GMPS: variants seen among roughly 807,000 people sequenced by gnomAD.
GMPS encodes the protein GMP synthase [glutamine-hydrolyzing].
GMPS carries 15 observed loss-of-function variants against 77.9 expected under a neutral mutation model. The observed-to-expected ratio is 0.19, with a 90% CI of 0.13 to 0.30. The LOEUF is 0.30. Ranked by LOEUF, GMPS falls within the 10% of genes least tolerant of loss-of-function variation. The pLI, the probability that GMPS is intolerant of heterozygous loss-of-function variation, is 1.00. For missense variants in GMPS, 590 were observed against 838.8 expected, an observed-to-expected ratio of 0.70 and a Z score of 3.66; for synonymous variants, 224 against 275.9, an observed-to-expected ratio of 0.81 and a Z score of 1.86.
At position 155,910,806 on chromosome 3, in the gene GMPS, G is replaced by A. The variant is rs1184463142; in HGVS notation, c.641G>A (p.Ser214Asn). The A allele has an allele frequency of 6.2e-7, 1 of 1,612,274 alleles. No homozygotes were observed. Among genetic ancestry groups the A allele is most frequent in the East Asian group, 2.2e-5 (1 of 44,866 alleles). Reference sequence around the variant, plus strand: ...TTCCTTTATGATATAGCTGGATGCAGTGGAACCTTCACCGTGCAGAACAGA... The same window carrying A: ...TTCCTTTATGATATAGCTGGATGCAATGGAACCTTCACCGTGCAGAACAGA... Reference protein sequence around the residue: ...KNFLYDIAGCSGTFTVQNREL... With the variant: ...KNFLYDIAGCNGTFTVQNREL... Residue 214 changes from serine to asparagine, a missense_variant, in exon 6 of 16, where the codon AGT becomes AAT. Ser to Asn is a conservative substitution (Grantham distance 46). This residue lies in a region of GMPS where 136 missense variants were observed against 225.6 expected (regional missense o/e 0.60). Coordinates refer to ENST00000496455, the MANE Select transcript of GMPS (RefSeq NM_003875.3).
chr3:155,931,683 T>TTTAAA lies in GMPS; in HGVS notation c.1561-82_1561-81insTTAAA, dbSNP rs745576751. 9.2e-4 allele frequency: 367 copies of TTTAAA among 398,790 alleles called. 2 individuals carry two copies. Among genetic ancestry groups the TTTAAA allele is most frequent in the South Asian group, 3.1e-3 (94 of 30,422 alleles). 24.7% of individuals were successfully genotyped at this position (398,790 alleles called of 1,614,324 possible). On this transcript the variant is annotated intron_variant, in intron 12 of 15. Coordinates refer to ENST00000496455, the MANE Select transcript of GMPS (RefSeq NM_003875.3). ...TTCAATGCATCTTTTCTTTTTTTTTTAAAAAAAAAAAAAAGCTTTGTCAAG... is the reference window on the plus strand; with the variant it reads ...TTCAATGCATCTTTTCTTTTTTTTTTTTAAAAAAAAAAAAAAAAAGCTTTGTCAAG...
intron 2 of GMPS, among the ~76,000 whole-genome samples, chr3:155,894,422 C>T (rs1442784043): frequency 2.0e-5 from 3 of 152,160 alleles, no homozygotes; most frequent in Admixed American, 1.3e-4. Context: ...ACGGGTTTCA[C>T]CATGTTGTCC....
At chr3:155,907,785 A>G (rs185657059) in intron 5 of GMPS, among the ~76,000 whole-genome samples, 1 of 152,228 alleles carries the variant, frequency 6.6e-6, no homozygotes, top group Non-Finnish European at 1.5e-5. Flanking sequence ...CAGGGAAGGC[A>G]TTCCTATAAG....
At chr3:155,937,332 G>T (rs1755787642) in intron 15 of GMPS, among the ~76,000 whole-genome samples, 1 of 152,176 alleles carries the variant, frequency 6.6e-6, no homozygotes, top group African/African-American at 2.4e-5. Context: ...AACACAACTT[G>T]CAGACTAGCA....
intron 1 of GMPS, among the ~76,000 whole-genome samples, chr3:155,883,283 C>T (rs748961851): frequency 3.3e-5 from 5 of 152,094 alleles, no homozygotes; most frequent in Non-Finnish European, 7.3e-5. Context: ...CCATGTTGCC[C>T]AGGCTGGTCT....
chr3:155,903,877 AT>A lies in GMPS; in HGVS notation c.342del (p.Phe114LeufsTer44). The A allele has an allele frequency of 6.6e-7, 1 of 1,505,124 alleles. No individual in the cohort carries two copies. The highest frequency in any genetic ancestry group is 9.1e-7 in the Non-Finnish European group (1 of 1,100,730). 93.2% of individuals were successfully genotyped at this position (1,505,124 alleles called of 1,614,324 possible). A position where few individuals can be genotyped will look rare whatever the true frequency, so the allele number is the denominator to read the frequency against. On this transcript the variant is annotated frameshift_variant, in exon 4 of 16. Coordinates refer to ENST00000496455, the MANE Select transcript of GMPS (RefSeq NM_003875.3). LOFTEE classifies it high-confidence loss of function. ...TCTTTGAACAGATGATGAATAAGGT[AT>A]TTGGAGGTACTGTGCACAAAAAAAG... The part of the protein sequence containing the change: ...CYGMQMMNKV[F>X]GGTVHKKSVR...
At position 155,940,740 on chromosome 3, in the gene GMPS, G is replaced by GTTTTTTTTTTT. The variant is rs77440100; in HGVS notation, c.*3056_*3066dup. On this transcript the variant is annotated 3_prime_UTR_variant, in exon 16 of 16. Transcript: ENST00000496455. The stretch of plus-strand genomic sequence containing the variant: ...AGACAGAATGGAGAAGCTGGATAGT[G>GTTTTTTTTTTT]TTTTTTTTTTTTTTTTTTAAGGTTC... The GTTTTTTTTTTT allele has an allele frequency of 5.8e-6, 1 of 171,724 alleles. No homozygotes were observed. Among genetic ancestry groups the GTTTTTTTTTTT allele is most frequent in the African/African-American group, 2.6e-5 (1 of 39,054 alleles). 10.6% of individuals were successfully genotyped at this position (171,724 alleles called of 1,614,324 possible). A position where few individuals can be genotyped will look rare whatever the true frequency, so the allele number is the denominator to read the frequency against.
chr3:155,928,134 C>G (rs1302517995), intron 12 of GMPS, among the ~76,000 whole-genome samples: 1 of 139,088 alleles, frequency 7.2e-6, no homozygotes. Flanking sequence ...TCAAACGATT[C>G]TCCTGTTGCA....
At chr3:155,875,818 TG>T (rs913526071) in intron 1 of GMPS, among the ~76,000 whole-genome samples, 26 of 152,290 alleles carry the variant, frequency 1.7e-4, no homozygotes, top group Non-Finnish European at 3.2e-4. Context: ...AACAGTCAAT[TG>T]GTTTTCTTGT....
chr3:155,905,025 AT>A (rs577278280), intron 4 of GMPS, among the ~76,000 whole-genome samples: 3 of 149,668 alleles, frequency 2.0e-5, no homozygotes, highest in South Asian at 4.2e-4. Flanking sequence ...ATTTAATTTA[AT>A]TTTTTTTTTG....
At chr3:155,888,546 C>T (rs993858406) in intron 1 of GMPS, among the ~76,000 whole-genome samples, 5 of 151,514 alleles carry the variant, frequency 3.3e-5, no homozygotes, top group East Asian at 1.9e-4. Flanking sequence ...CTCTGCCTCC[C>T]GAGTAGCTAG....
At chr3:155,888,469 AC>A in intron 1 of GMPS, among the ~76,000 whole-genome samples, 1 of 151,668 alleles carries the variant, frequency 6.6e-6, no homozygotes, top group Non-Finnish European at 1.5e-5. Context: ...TCACTCTGTC[AC>A]CCAGGCTGGA....
At position 155,910,680 on chromosome 3, in the gene GMPS, T is replaced by C; in HGVS notation, c.527-12T>C. On this transcript the variant is annotated splice_polypyrimidine_tract_variant and intron_variant, in intron 5 of 15. Transcript: ENST00000496455. ...GAAAAAATTTTAATTTGTGACTATT[T>C]TCTCTATAAAGGCATAGCAAATGAA... 1 of 1,431,872 alleles carries C rather than the reference T, an allele frequency of 7.0e-7. No individual in the cohort carries two copies. Among genetic ancestry groups the C allele is most frequent in the Non-Finnish European group, 9.4e-7 (1 of 1,064,980 alleles). The allele number at this position is 1,431,872 out of a possible 1,614,324, so 88.7% of individuals were successfully genotyped here. A position where few individuals can be genotyped will look rare whatever the true frequency, so the allele number is the denominator to read the frequency against.
At chr3:155,881,903 A>G (rs972909020) in intron 1 of GMPS, among the ~76,000 whole-genome samples, 8 of 152,224 alleles carry the variant, frequency 5.3e-5, no homozygotes, top group East Asian at 1.9e-4. Context: ...TGTCTCTACT[A>G]AAAATACAGA....
chr3:155,885,197 A>T (rs1754308718), intron 1 of GMPS, among the ~76,000 whole-genome samples: 1 of 152,358 alleles, frequency 6.6e-6, no homozygotes, highest in Admixed American at 6.5e-5. Flanking sequence ...TGAAAAGCTG[A>T]CATAACATAT....
At chr3:155,925,102 A>G (rs538727779) in intron 11 of GMPS, 139 bp from the exon 12 acceptor site, 3 of 660,982 alleles carry the variant, frequency 4.5e-6, no homozygotes, top group East Asian at 5.8e-5. Flanking sequence ...GGCATAGTGC[A>G]TAGCACACAC....
Position 155,941,530 on chromosome 3 carries a change from C to T in GMPS, c.*3838C>T, listed in dbSNP as rs1236719661. 1 of 218,200 alleles carries T rather than the reference C, an allele frequency of 4.6e-6. No individual in the cohort carries two copies. The highest frequency in any genetic ancestry group is 2.2e-5 in the African/African-American group (1 of 44,526). The allele number at this position is 218,200 out of a possible 1,614,324, so 13.5% of individuals were successfully genotyped here. A position where few individuals can be genotyped will look rare whatever the true frequency, so the allele number is the denominator to read the frequency against. ...GATAGCCCTGTCTTTCAGAAATTCTCTGACATCTGCTTGCGCAATGTTATA... is the reference window on the plus strand; with the variant it reads ...GATAGCCCTGTCTTTCAGAAATTCTTTGACATCTGCTTGCGCAATGTTATA... On this transcript the variant is annotated 3_prime_UTR_variant, in exon 16 of 16. Coordinates refer to ENST00000496455, the MANE Select transcript of GMPS (RefSeq NM_003875.3).
chr3:155,873,076 A>G (rs1309512726), intron 1 of GMPS, among the ~76,000 whole-genome samples: 1 of 152,136 alleles, frequency 6.6e-6, no homozygotes, highest in African/African-American at 2.4e-5. Context: ...CTTACTTTGT[A>G]CATTGATTGG....
At chr3:155,917,841 A>G (rs1194437304) in intron 9 of GMPS, among the ~76,000 whole-genome samples, 1 of 152,032 alleles carries the variant, frequency 6.6e-6, no homozygotes. Flanking sequence ...ATTGCACTCT[A>G]GCCTGGGCAA....
Sources: gnomAD v4.1 joint callset for allele counts (sites outside exome capture counted in the v4.1 genomes callset) on GRCh38, gnomAD v4.1.1 for gene constraint, gnomAD v4.1.1 regional missense constraint, MANE v1.5 for transcripts, NCBI Gene and HGNC (gene_info 2026-07-23, HGNC 2026-07-21) for gene names.